The following MARCHF1 variants were observed in gnomAD, a reference collection of about 807,000 sequenced individuals.
The protein encoded by MARCHF1 is E3 ubiquitin-protein ligase MARCHF1.
A neutral mutation model predicts 54.2 loss-of-function variants in MARCHF1; 40 were observed. That is an observed-to-expected ratio of 0.74 (90% CI 0.57 to 0.96). The LOEUF is 0.96. MARCHF1 is among the 40% of genes least tolerant of loss of function. MARCHF1 has a pLI of 0.00. For synonymous variants in MARCHF1, 236 were observed against 236.3 expected (o/e 1.00, Z 0.01); for missense variants, 586 against 656.5 (o/e 0.89, Z 1.17).
intron 8 of MARCHF1, among the ~76,000 whole-genome samples, chr4:163,583,316 C>T (rs2110813412): frequency 6.6e-6 from 1 of 152,302 alleles, no homozygotes; most frequent in Middle Eastern, 3.4e-3. Flanking sequence ...GAAATAATTA[C>T]ATGTTGAAAT....
intron 1 of MARCHF1, among the ~76,000 whole-genome samples, chr4:164,358,992 T>C (rs1578897196): frequency 6.6e-6 from 1 of 152,110 alleles, no homozygotes; most frequent in East Asian, 1.9e-4. Flanking sequence ...ATTATATCAA[T>C]CCATTTAAGA....
intron 1 of MARCHF1, among the ~76,000 whole-genome samples, chr4:164,372,865 A>G (rs530911674): frequency 6.6e-6 from 1 of 152,284 alleles, no homozygotes; most frequent in South Asian, 2.1e-4. Flanking sequence ...TTTATTCATT[A>G]ATCAATTCAT....
At chr4:163,733,611 C>A (rs897351747) in intron 4 of MARCHF1, among the ~76,000 whole-genome samples, 3 of 151,862 alleles carry the variant, frequency 2.0e-5, no homozygotes, top group Non-Finnish European at 2.9e-5. Flanking sequence ...CCCGCTCCCC[C>A]TACCCCACAA....
rs750860598 is a variant in MARCHF1, at chr4:164,193,727, G to T, written c.-322-82065C>A. ...TAAGAAACATTTAAAAAATGAGTGG[G>T]TAAATGAACAAATGCTGTCCAAAAT... On this transcript the variant is annotated intron_variant, in intron 1 of 9. Coordinates refer to ENST00000514618, the MANE Select transcript of MARCHF1 (RefSeq NM_001394959.1). Among the ~76,000 whole-genome samples, 7 of 152,208 alleles carry T rather than the reference G, an allele frequency of 4.6e-5. 1 individual carries two copies. In the South Asian group the frequency reaches 1.5e-3, roughly 32 times the overall value.
At chr4:163,663,562 A>C (rs2111106984) in intron 5 of MARCHF1, among the ~76,000 whole-genome samples, 1 of 151,514 alleles carries the variant, frequency 6.6e-6, no homozygotes, top group South Asian at 2.1e-4. Flanking sequence ...TAATTGTCTT[A>C]TTTTCATCTT....
intron 2 of MARCHF1, among the ~76,000 whole-genome samples, chr4:164,059,086 G>T (rs538074754): frequency 6.6e-5 from 10 of 152,274 alleles, no homozygotes; most frequent in African/African-American, 2.4e-4. Context: ...GCACATATGA[G>T]CTGGTTGTAC....
At chr4:163,626,335 A>T (rs2110975072) in intron 5 of MARCHF1, among the ~76,000 whole-genome samples, 1 of 152,328 alleles carries the variant, frequency 6.6e-6, no homozygotes, top group Admixed American at 6.5e-5. Flanking sequence ...TTTGAAAATT[A>T]ATTACGGTTT....
At chr4:163,755,758 G>T (rs956405543) in intron 4 of MARCHF1, among the ~76,000 whole-genome samples, 1 of 152,016 alleles carries the variant, frequency 6.6e-6, no homozygotes, top group Admixed American at 6.6e-5. Flanking sequence ...AGACAGCAAA[G>T]AATATAAATT....
intron 1 of MARCHF1, among the ~76,000 whole-genome samples, chr4:164,371,693 T>A (rs1731041510): frequency 6.6e-6 from 1 of 152,172 alleles, no homozygotes; most frequent in South Asian, 2.1e-4. Flanking sequence ...AACATATGCA[T>A]GCAAAACCAA....
intron 4 of MARCHF1, among the ~76,000 whole-genome samples, chr4:163,741,266 C>T (rs918992712): frequency 2.6e-5 from 4 of 152,012 alleles, no homozygotes; most frequent in East Asian, 3.9e-4. Flanking sequence ...TAATTGATTA[C>T]GAGTGTTATT....
rs1329050628 is a variant in MARCHF1 at position 163,835,344 on chromosome 4, A to G, written c.111+18677T>C. 2.6e-5 allele frequency among the ~76,000 whole-genome samples: 4 copies of G among 152,212 alleles called. No individual in the cohort carries two copies. In the East Asian group the frequency reaches 7.7e-4, roughly 29 times the overall value. Reference sequence around the variant, plus strand: ...GAAATCTATTTAAATAGGCAGACAGATGAGTTTCAAATCAAGTTTAGCCTA... The same window carrying G: ...GAAATCTATTTAAATAGGCAGACAGGTGAGTTTCAAATCAAGTTTAGCCTA... On this transcript the variant is annotated intron_variant, in intron 4 of 9. Transcript: ENST00000514618.
At chr4:163,833,235 C>T (rs1464768644) in intron 4 of MARCHF1, among the ~76,000 whole-genome samples, 3 of 152,210 alleles carry the variant, frequency 2.0e-5, no homozygotes, top group Non-Finnish European at 4.4e-5. Flanking sequence ...TATTTTTCCA[C>T]ATCCTCTCCA....
intron 3 of MARCHF1, among the ~76,000 whole-genome samples, chr4:163,884,121 T>C (rs368636959): frequency 1.3e-5 from 2 of 152,146 alleles, no homozygotes; most frequent in Non-Finnish European, 2.9e-5. Flanking sequence ...GGTTGATTGT[T>C]AGAGGTGCTC....
intron 3 of MARCHF1, among the ~76,000 whole-genome samples, chr4:163,906,084 G>A (rs1451245732): frequency 5.3e-5 from 8 of 151,950 alleles, no homozygotes; most frequent in Admixed American, 5.3e-4. Flanking sequence ...ATGGATACAT[G>A]GAGAAATATT....
At chr4:163,726,358 A>T (rs1745652978) in intron 4 of MARCHF1, among the ~76,000 whole-genome samples, 1 of 152,218 alleles carries the variant, frequency 6.6e-6, no homozygotes, top group Admixed American at 6.5e-5. Context: ...ATATAATTGA[A>T]ATAATAAAGG....
At chr4:163,681,913 G>A (rs1461516147) in intron 5 of MARCHF1, among the ~76,000 whole-genome samples, 1 of 152,146 alleles carries the variant, frequency 6.6e-6, no homozygotes, top group Non-Finnish European at 1.5e-5. Context: ...ATAGTTTGAA[G>A]GACTCAGAAG....
At chr4:164,316,842 G>A (rs1481194160) in intron 1 of MARCHF1, among the ~76,000 whole-genome samples, 1 of 152,060 alleles carries the variant, frequency 6.6e-6, no homozygotes, top group Non-Finnish European at 1.5e-5. Context: ...TTGTTTAAAA[G>A]TATATAGCAC....
intron 8 of MARCHF1, among the ~76,000 whole-genome samples, chr4:163,566,955 T>C (rs1184009043): frequency 6.6e-6 from 1 of 152,158 alleles, no homozygotes; most frequent in East Asian, 1.9e-4. Flanking sequence ...TTCTACCTTA[T>C]AAGTTAATAG....
chr4:163,838,064 A>T (rs1195007055), intron 4 of MARCHF1, among the ~76,000 whole-genome samples: 1 of 152,136 alleles, frequency 6.6e-6, no homozygotes, highest in African/African-American at 2.4e-5. Context: ...ATTTTAAAAC[A>T]GTGTATTTCC....
Sources: allele counts gnomAD v4.1 joint callset (sites outside exome capture counted in the v4.1 genomes callset), GRCh38; gene constraint gnomAD v4.1.1; transcripts MANE v1.5; gene names NCBI Gene and HGNC (gene_info 2026-07-23, HGNC 2026-07-21).